Variants in MCM8 observed in about 807,000 individuals in gnomAD.
MCM8 encodes the protein DNA helicase MCM8.
Under a neutral mutation model 98.9 loss-of-function variants are expected in MCM8, and 85 were observed. That is an observed-to-expected ratio of 0.86 (90% CI 0.72 to 1.03). The LOEUF is 1.03. Ranked by LOEUF, MCM8 falls within the 50% of genes least tolerant of loss-of-function variation. MCM8 has a pLI of 0.00. For synonymous variants in MCM8, 352 were observed against 338.6 expected, an observed-to-expected ratio of 1.04 and a Z score of -0.44; for missense variants, 951 against 997.8, an observed-to-expected ratio of 0.95 and a Z score of 0.63.
At chr20:5,965,301 C>G (rs1355881225) in intron 8 of MCM8, 2 of 152,154 alleles carry the variant, frequency 1.3e-5, no homozygotes, top group Non-Finnish European at 2.9e-5. Flanking sequence ...ACAGTTTATC[C>G]CCCCTTAGCA....
rs148602368 is a variant in MCM8 at position 5,997,002 on chromosome 20, GT to G, written c.*2614del. The G allele has an allele frequency of 0.035, 5,328 of 152,392 alleles. 126 individuals carry two copies. The highest frequency in any genetic ancestry group is 0.1 in the Middle Eastern group (30 of 298). 9.4% of individuals were successfully genotyped at this position (152,392 alleles called of 1,614,324 possible). The stretch of plus-strand genomic sequence containing the variant: ...TCTTTACTGCCTGACTGACTTTGGT[GT>G]TTCCTCATGTGGCCTGGTGTGGCAT... On this transcript the variant is annotated 3_prime_UTR_variant, in exon 19 of 19. Transcript: ENST00000610722.
In MCM8 at chr20:5,994,487, AC is replaced by A; in HGVS notation, c.*97del. The stretch of plus-strand genomic sequence containing the variant: ...CACGCACAGACAGACAGACACACAC[AC>A]ACACACACACACACACACACACACA... On this transcript the variant is annotated 3_prime_UTR_variant, in exon 19 of 19. Coordinates refer to ENST00000610722, the MANE Select transcript of MCM8 (RefSeq NM_032485.6). The A allele has an allele frequency of 3.8e-6, 2 of 526,172 alleles. No individual in the cohort carries two copies. The highest frequency in any genetic ancestry group is 8.5e-5 in the East Asian group (2 of 23,434). 32.6% of individuals were successfully genotyped at this position (526,172 alleles called of 1,614,324 possible).
rs41282946 is a variant in MCM8, at chr20:5,993,645, A to G, written c.2380A>G (p.Ile794Val). 1,027 of 1,610,642 alleles carry G rather than the reference A, an allele frequency of 6.4e-4. 4 individuals carry two copies. In the Middle Eastern group the frequency reaches 0.015, roughly 23 times the overall value. Reference protein sequence around the residue: ...NNVAERTYNNIFQFHQLRQIA... With the variant: ...NNVAERTYNNVFQFHQLRQIA... ...CGTTGCTGAAAGAACTTATAATAAT[A>G]TATTTCAATTTCATCAACTTCGGCA... Residue 794 changes from isoleucine to valine, a missense_variant, in exon 18 of 19, where the codon ATA becomes GTA. Transcript: ENST00000610722.
At chr20:5,978,969 A>G (rs1300882877) in intron 13 of MCM8, among the ~76,000 whole-genome samples, 1 of 152,218 alleles carries the variant, frequency 6.6e-6, no homozygotes, top group Admixed American at 6.5e-5. Context: ...CCCAGCAAGA[A>G]GAAACCTCTA....
intron 13 of MCM8, among the ~76,000 whole-genome samples, chr20:5,979,527 G>C (rs1232008024): frequency 6.6e-6 from 1 of 152,138 alleles, no homozygotes; most frequent in Non-Finnish European, 1.5e-5. Flanking sequence ...TATTTTCACA[G>C]TCTTCCTCAT....
In MCM8 at chr20:5,989,120, C is replaced by T. The variant is rs1334488103; in HGVS notation, c.2240+1762C>T. Reference sequence around the variant, plus strand: ...ACTGTTTACTATCAATAGCGCAAGTCTTTTTTTTTTTTTTTTGAGACAGTC... The same window carrying T: ...ACTGTTTACTATCAATAGCGCAAGTTTTTTTTTTTTTTTTTTGAGACAGTC... On this transcript the variant is annotated intron_variant, in intron 17 of 18. Transcript: ENST00000610722. 4.5e-4 allele frequency among the ~76,000 whole-genome samples: 54 copies of T among 120,308 alleles called. 1 individual carries two copies. The highest frequency in any genetic ancestry group is 1.1e-3 in the African/African-American group (28 of 26,522). 78.9% of individuals were successfully genotyped at this position (120,308 alleles called of 152,430 possible).
At chr20:5,980,532 T>G (rs985703025) in intron 13 of MCM8, among the ~76,000 whole-genome samples, 1 of 152,104 alleles carries the variant, frequency 6.6e-6, no homozygotes, top group African/African-American at 2.4e-5. Context: ...TAAAATATAG[T>G]AATAAAAAGA....
Position 5,974,252 on chromosome 20 carries a change from T to C in MCM8, c.1395+1056T>C, listed in dbSNP as rs573784013. 1.7e-4 allele frequency among the ~76,000 whole-genome samples: 26 copies of C among 152,322 alleles called. No homozygotes were observed. In the South Asian group the frequency reaches 3.5e-3, roughly 21 times the overall value. On this transcript the variant is annotated intron_variant, in intron 12 of 18. Coordinates refer to ENST00000610722, the MANE Select transcript of MCM8 (RefSeq NM_032485.6). The stretch of plus-strand genomic sequence containing the variant: ...CTCAGGCAATTCTTCCAACTCAGCC[T>C]CTCAAGTAGCTGGGACTATAGACAT...
At chr20:5,991,294 G>A (rs2089846750) in intron 17 of MCM8, 1 of 152,064 alleles carries the variant, frequency 6.6e-6, no homozygotes, top group Admixed American at 6.6e-5. Flanking sequence ...GGTTATACTT[G>A]GTATAAGATT....
At chr20:5,990,800 G>A (rs1482493479) in intron 17 of MCM8, 1 of 151,944 alleles carries the variant, frequency 6.6e-6, no homozygotes, top group Admixed American at 6.6e-5. Flanking sequence ...CCAAAAATAG[G>A]CACTTCTTAT....
At chr20:5,965,215 C>T (rs1440768383) in intron 8 of MCM8, 1 of 152,186 alleles carries the variant, frequency 6.6e-6, no homozygotes, top group African/African-American at 2.4e-5. Context: ...ATAATATGAG[C>T]TTCTGACTTC....
In MCM8 at chr20:5,977,803, T is replaced by C. The variant is rs1332719156; in HGVS notation, c.1396-73T>C. The C allele has an allele frequency of 5.8e-6, 9 of 1,538,676 alleles. No homozygotes were observed. The East Asian group carries it at 1.8e-4, about 31-fold the overall frequency. On this transcript the variant is annotated intron_variant, in intron 12 of 18. Transcript: ENST00000610722. ...AGAATACCTAGCATATACCTAACGT[T>C]TGTGAGCAACTGCTGTTAGCTATTA...
At chr20:5,975,994 A>T (rs2089503643) in intron 12 of MCM8, among the ~76,000 whole-genome samples, 2 of 152,130 alleles carry the variant, frequency 1.3e-5, no homozygotes, top group Admixed American at 1.3e-4. Flanking sequence ...TATGGCATGT[A>T]AGCCACACTA....
chr20:5,955,945 T>G (rs2088968900), intron 5 of MCM8, among the ~76,000 whole-genome samples: 1 of 151,678 alleles, frequency 6.6e-6, no homozygotes, highest in South Asian at 2.1e-4. Flanking sequence ...AGTTTTGGAG[T>G]TTTAGTAGAG....
Position 5,994,485 on chromosome 20 carries a change from AC to A in MCM8, c.*95del. ...TGCACGCACAGACAGACAGACACAC[AC>A]ACACACACACACACACACACACACA... On this transcript the variant is annotated 3_prime_UTR_variant, in exon 19 of 19. Coordinates refer to ENST00000610722, the MANE Select transcript of MCM8 (RefSeq NM_032485.6). 3 of 499,814 alleles carry A rather than the reference AC, an allele frequency of 6.0e-6. No individual in the cohort carries two copies. In the East Asian group the frequency reaches 1.4e-4, roughly 24 times the overall value. The allele number at this position is 499,814 out of a possible 1,614,324, so 31.0% of individuals were successfully genotyped here. A position where few individuals can be genotyped will look rare whatever the true frequency, so the allele number is the denominator to read the frequency against.
At position 5,987,260 on chromosome 20, in the gene MCM8, A is replaced by G. The variant is rs184383793; in HGVS notation, c.2164-22A>G. The G allele has an allele frequency of 3.5e-5, 56 of 1,605,240 alleles. 1 individual carries two copies. The African/African-American group carries it at 7.2e-4, about 21-fold the overall frequency. On this transcript the variant is annotated intron_variant, in intron 16 of 18. Transcript: ENST00000610722. ...AAATATATTCATCTTTCGTCATCTG[A>G]AAATGGTGTTTTCTTTTAAAGGCAC...
rs182886970 is a variant in MCM8 at position 5,982,958 on chromosome 20, C to T, written c.1538-12C>T. ...AAAATGTTTTTTCTGCTTTATTCTA[C>T]TTCGATTGTAGGTATTTGTGGAATC... On this transcript the variant is annotated splice_polypyrimidine_tract_variant and intron_variant, in intron 13 of 18. Transcript: ENST00000610722. 1.2e-5 allele frequency: 19 copies of T among 1,600,338 alleles called. No homozygotes were observed. The East Asian group carries it at 4.3e-4, about 36-fold the overall frequency.
At chr20:5,986,203 G>T in intron 16 of MCM8, 72 bp downstream of exon 16, 1 of 1,368,670 alleles carries the variant, frequency 7.3e-7, no homozygotes, top group Non-Finnish European at 1.0e-6. Flanking sequence ...CTCTTTTGAA[G>T]TATTTTCTGC....
At chr20:5,985,846 T>C (rs977087830) in intron 15 of MCM8, 76 bp from the exon 16 acceptor site, 9 of 1,510,110 alleles carry the variant, frequency 6.0e-6, no homozygotes, top group Non-Finnish European at 8.2e-6. Flanking sequence ...GCACCTGGCC[T>C]AAACAAGTTA....
Sources: allele counts gnomAD v4.1 joint callset (sites outside exome capture counted in the v4.1 genomes callset), GRCh38; gene constraint gnomAD v4.1.1; transcripts MANE v1.5; gene names NCBI Gene and HGNC (gene_info 2026-07-23, HGNC 2026-07-21).